PSMF1: variants seen among roughly 807,000 people sequenced by gnomAD.
The protein encoded by PSMF1 is proteasome inhibitor subunit 1.
A neutral mutation model predicts 29.3 loss-of-function variants in PSMF1; 30 were observed. The observed-to-expected ratio is 1.02, with a 90% CI of 0.77 to 1.39. The LOEUF (loss-of-function observed/expected upper bound fraction) is 1.39. PSMF1 is among the 40% of genes most tolerant of loss of function. The pLI is 0.00. For missense variants in PSMF1, 344 were observed against 357.5 expected (o/e 0.96, Z 0.31); for synonymous variants, 134 against 139.7 (o/e 0.96, Z 0.29).
At chr20:1,119,195 A>T (rs1261456584) in intron 1 of PSMF1, among the ~76,000 whole-genome samples, 1 of 151,760 alleles carries the variant, frequency 6.6e-6, no homozygotes, top group African/African-American at 2.4e-5. Flanking sequence ...CTAGCATTCC[A>T]TAGAATGGCA....
chr20:1,150,143 G>T (rs2086508772), intron 4 of PSMF1, among the ~76,000 whole-genome samples: 1 of 150,098 alleles, frequency 6.7e-6, no homozygotes, highest in Non-Finnish European at 1.5e-5. Flanking sequence ...TCACACTACT[G>T]TACTCCAGCC....
At chr20:1,161,651 G>A in intron 4 of PSMF1, 1 of 678,192 alleles carries the variant, frequency 1.5e-6, no homozygotes, top group Admixed American at 1.9e-5. Context: ...TAGCAAGCAG[G>A]AGTATGACAA....
intron 3 of PSMF1, among the ~76,000 whole-genome samples, chr20:1,128,759 C>T (rs1384965711): frequency 6.6e-6 from 1 of 152,108 alleles, no homozygotes; most frequent in Non-Finnish European, 1.5e-5. Flanking sequence ...GAGGTGGAGT[C>T]TAGTTCTGTC....
chr20:1,125,775 T>G, intron 2 of PSMF1, 125 bp downstream of exon 2: 1 of 1,285,432 alleles, frequency 7.8e-7, no homozygotes, highest in Non-Finnish European at 1.1e-6. Flanking sequence ...TGATCCCACT[T>G]CTGGAACTTT....
In PSMF1 at chr20:1,123,732, T is replaced by A. The variant is rs1473743382; in HGVS notation, c.130-1766T>A. On this transcript the variant is annotated intron_variant, in intron 1 of 6. Transcript: ENST00000335877. ...GTAGGGATTTTGGATCATAGGATATTGGCTCATCTAATTGCACTAAAAACT... is the reference window on the plus strand; with the variant it reads ...GTAGGGATTTTGGATCATAGGATATAGGCTCATCTAATTGCACTAAAAACT... Among the ~76,000 whole-genome samples, 3 of 152,228 alleles carry A rather than the reference T, an allele frequency of 2.0e-5. No individual in the cohort carries two copies. The East Asian group carries it at 5.8e-4, about 29-fold the overall frequency.
At chr20:1,131,291 A>G (rs949953161) in intron 3 of PSMF1, among the ~76,000 whole-genome samples, 6 of 152,164 alleles carry the variant, frequency 3.9e-5, no homozygotes, top group African/African-American at 1.4e-4. Flanking sequence ...GAGAATTGTG[A>G]TCCTGTCTCT....
intron 4 of PSMF1, among the ~76,000 whole-genome samples, chr20:1,157,068 G>A (rs1347402586): frequency 6.6e-6 from 1 of 152,220 alleles, no homozygotes; most frequent in Non-Finnish European, 1.5e-5. Flanking sequence ...AGAACTTGGA[G>A]TCCGATGTTC....
chr20:1,142,719 C>T (rs2086399461), intron 4 of PSMF1, among the ~76,000 whole-genome samples: 2 of 152,098 alleles, frequency 1.3e-5, no homozygotes, highest in East Asian at 1.9e-4. Context: ...TGAATAGTGC[C>T]GCAATAAACA....
Position 1,120,086 on chromosome 20 carries a change from G to C in PSMF1, c.129+1184G>C, listed in dbSNP as rs556718890. 7.3e-5 allele frequency among the ~76,000 whole-genome samples: 11 copies of C among 150,268 alleles called. No homozygotes were observed. In the South Asian group the frequency reaches 2.3e-3, roughly 31 times the overall value. ...TATCCCCTTTCCCCCACCCCTCACTGCTGTCCCTATTCCTCTCTGTCTCTT... is the reference window on the plus strand; with the variant it reads ...TATCCCCTTTCCCCCACCCCTCACTCCTGTCCCTATTCCTCTCTGTCTCTT... On this transcript the variant is annotated intron_variant, in intron 1 of 6. Transcript: ENST00000335877.
At position 1,170,418 on chromosome 20, in the gene PSMF1, T is replaced by G. The variant is rs1369074546; in HGVS notation, c.*5338T>G. Among the ~76,000 whole-genome samples the G allele has an allele frequency of 6.6e-6, 1 of 152,232 alleles. No homozygotes were observed. The highest frequency in any genetic ancestry group is 1.5e-5 in the Non-Finnish European group (1 of 68,040). On this transcript the variant is annotated 3_prime_UTR_variant, in exon 7 of 7. Coordinates refer to ENST00000335877, the MANE Select transcript of PSMF1 (RefSeq NM_006814.5). ...CGTTGATTTTACCCCCAGTATCCAC[T>G]CCATTCCTTTGCCCCCATGGGTCAC...
At position 1,166,214 on chromosome 20, in the gene PSMF1, G is replaced by A. The variant is rs1193521406; in HGVS notation, c.*1134G>A. 4.3e-6 allele frequency: 7 copies of A among 1,612,144 alleles called. No homozygotes were observed. Among genetic ancestry groups the A allele is most frequent in the East Asian group, 2.2e-5 (1 of 44,842 alleles). On this transcript the variant is annotated 3_prime_UTR_variant, in exon 7 of 7. Coordinates refer to ENST00000335877, the MANE Select transcript of PSMF1 (RefSeq NM_006814.5). ...GCCCACCTGACCTTTGGTGTTCTCC[G>A]GATCCTTTTCAGCCCGAGGCCTGAC...
chr20:1,127,171 A>G (rs901246324), intron 2 of PSMF1: 26 of 644,536 alleles, frequency 4.0e-5, no homozygotes, highest in African/African-American at 1.6e-4. Context: ...CAACACCTCA[A>G]TTACCATGCC....
chr20:1,164,232 T>G lies in PSMF1; in HGVS notation c.606-86T>G. On this transcript the variant is annotated intron_variant, in intron 5 of 6. Coordinates refer to ENST00000335877, the MANE Select transcript of PSMF1 (RefSeq NM_006814.5). This position sits in a 1 kb window ranked among gnomAD's most constrained non-coding sequence, Gnocchi z 4.1. Reference sequence around the variant, plus strand: ...CCATCCAGAGTAGACATCCCAGCCATTCTTGGTGCATTGTAACCTCCCTCG... The same window carrying G: ...CCATCCAGAGTAGACATCCCAGCCAGTCTTGGTGCATTGTAACCTCCCTCG... 7.4e-7 allele frequency: 1 copy of G among 1,356,256 alleles called. No individual in the cohort carries two copies. The highest frequency in any genetic ancestry group is 1.0e-6 in the Non-Finnish European group (1 of 952,498). 84.0% of individuals were successfully genotyped at this position (1,356,256 alleles called of 1,614,324 possible).
At position 1,166,445 on chromosome 20, in the gene PSMF1, G is replaced by A; in HGVS notation, c.*1365G>A. ...ACCTGTAGGTAAGCAAGCTACTGTA[G>A]CTCTTCTGAGGTATCTGCCAGGCTG... On this transcript the variant is annotated 3_prime_UTR_variant, in exon 7 of 7. Coordinates refer to ENST00000335877, the MANE Select transcript of PSMF1 (RefSeq NM_006814.5). The A allele has an allele frequency of 1.5e-6, 1 of 658,354 alleles. No individual in the cohort carries two copies. The highest frequency in any genetic ancestry group is 2.7e-6 in the Non-Finnish European group (1 of 374,100). The allele number at this position is 658,354 out of a possible 1,614,324, so 40.8% of individuals were successfully genotyped here.
At chr20:1,120,040 C>A (rs1431831081) in intron 1 of PSMF1, among the ~76,000 whole-genome samples, 1 of 152,124 alleles carries the variant, frequency 6.6e-6, no homozygotes, top group African/African-American at 2.4e-5. Context: ...TTGCTTTGTA[C>A]ATTCTGAGCA....
At chr20:1,115,890 G>A (rs975771356), upstream of PSMF1, among the ~76,000 whole-genome samples, 6 of 151,798 alleles carry the variant, frequency 4.0e-5, no homozygotes, top group African/African-American at 1.5e-4. Flanking sequence ...CTGCCACCAC[G>A]CCCGGCTAAT....
chr20:1,121,165 C>G (rs2086082400), intron 1 of PSMF1, among the ~76,000 whole-genome samples: 1 of 151,946 alleles, frequency 6.6e-6, no homozygotes, highest in Admixed American at 6.6e-5. Context: ...GACCAATTCC[C>G]CAAGGTCCAT....
chr20:1,135,303 C>T lies in PSMF1; in HGVS notation c.548C>T (p.Pro183Leu). ...PHHPHTSRQP[P>L]WCDPLGPFVV... The stretch of plus-strand genomic sequence containing the variant: ...CACCCACACACCAGTCGGCAGCCTC[C>T]CTGGTGAGTACAGAGTGCCTAGCGG... Residue 183 changes from proline to leucine, a missense_variant, in exon 4 of 7, where the codon CCC becomes CTC. Coordinates refer to ENST00000335877, the MANE Select transcript of PSMF1 (RefSeq NM_006814.5). 1 of 1,610,696 alleles carries T rather than the reference C, an allele frequency of 6.2e-7. No homozygotes were observed.
chr20:1,158,917 G>T (rs1057127237), intron 4 of PSMF1, among the ~76,000 whole-genome samples: 1 of 152,120 alleles, frequency 6.6e-6, no homozygotes, highest in Admixed American at 6.5e-5. Context: ...TTAGCCAGGC[G>T]TGGTGGCGCA....
Sources: gnomAD v4.1 joint callset for allele counts (sites outside exome capture counted in the v4.1 genomes callset) on GRCh38, gnomAD v4.1.1 for gene constraint, Gnocchi (gnomAD v3.1) non-coding constraint, MANE v1.5 for transcripts, NCBI Gene and HGNC (gene_info 2026-07-23, HGNC 2026-07-21) for gene names.